NAV3: variants seen among roughly 807,000 people sequenced by gnomAD.
NAV3 encodes the protein pore membrane and/or filament interacting like protein 1.
NAV3 carries 87 observed loss-of-function variants against 244.7 expected under a neutral mutation model. The ratio of observed to expected loss-of-function variants is 0.36; its 90% CI spans 0.30 to 0.42. NAV3 has a LOEUF of 0.42. NAV3 is among the 20% of genes least tolerant of loss of function. The pLI, the probability that NAV3 is intolerant of heterozygous loss-of-function variation, is 1.00. For synonymous variants in NAV3, 1,126 were observed against 1,042.2 expected, an observed-to-expected ratio of 1.08 and a Z score of -1.55; for missense variants, 2,663 against 2,893.3, an observed-to-expected ratio of 0.92 and a Z score of 1.83.
intron 2 of NAV3, among the ~76,000 whole-genome samples, chr12:77,687,598 T>A (rs932782309): frequency 3.9e-5 from 6 of 152,142 alleles, no homozygotes; most frequent in African/African-American, 1.4e-4. Flanking sequence ...AACGCACTAT[T>A]GAGTTGCTCA....
At chr12:77,646,065 G>A (rs1164616258) in intron 2 of NAV3, among the ~76,000 whole-genome samples, 1 of 152,070 alleles carries the variant, frequency 6.6e-6, no homozygotes, top group Non-Finnish European at 1.5e-5. Context: ...TATACAACAT[G>A]GTGTTTTGAT....
chr12:77,917,415 C>T (rs1158560299), intron 1 of NAV3, among the ~76,000 whole-genome samples: 1 of 151,764 alleles, frequency 6.6e-6, no homozygotes, highest in African/African-American at 2.4e-5. Flanking sequence ...TAAAAAACAC[C>T]ATGTAAAAAA....
At chr12:77,784,873 A>G (rs1870832773) in intron 2 of NAV3, among the ~76,000 whole-genome samples, 1 of 152,210 alleles carries the variant, frequency 6.6e-6, no homozygotes, top group Non-Finnish European at 1.5e-5. Context: ...AGTAGAACTC[A>G]GTCCACACCA....
At chr12:77,648,325 A>T (rs1335099066) in intron 2 of NAV3, among the ~76,000 whole-genome samples, 2 of 152,096 alleles carry the variant, frequency 1.3e-5, no homozygotes, top group African/African-American at 2.4e-5. Flanking sequence ...ACACACAGAG[A>T]CACCCTTAAT....
At chr12:77,715,102 T>C (rs1876300529) in intron 2 of NAV3, among the ~76,000 whole-genome samples, 1 of 152,016 alleles carries the variant, frequency 6.6e-6, no homozygotes, top group Admixed American at 6.6e-5. Flanking sequence ...AAAAACTTAG[T>C]TATAATACTT....
chr12:77,999,166 G>A (rs1872819346), intron 7 of NAV3, among the ~76,000 whole-genome samples: 1 of 152,200 alleles, frequency 6.6e-6, no homozygotes, highest in Non-Finnish European at 1.5e-5. Flanking sequence ...TAGCAGAGAG[G>A]ACGGGGATGA....
At chr12:78,066,644 ATAAAC>A in intron 12 of NAV3, among the ~76,000 whole-genome samples, 1 of 152,310 alleles carries the variant, frequency 6.6e-6, no homozygotes, top group Non-Finnish European at 1.5e-5. Context: ...AATTTTAATT[ATAAAC>A]TAATCAATAT....
At chr12:78,134,241 C>T (rs143850627) in intron 18 of NAV3, among the ~76,000 whole-genome samples, 1 of 152,284 alleles carries the variant, frequency 6.6e-6, no homozygotes, top group East Asian at 1.9e-4. Context: ...GAACTCCTGT[C>T]TTCTATTCTT....
intron 2 of NAV3, among the ~76,000 whole-genome samples, chr12:77,683,228 A>T (rs1331548874): frequency 6.6e-6 from 1 of 152,026 alleles, no homozygotes; most frequent in Non-Finnish European, 1.5e-5. Context: ...ATTCTTTTGC[A>T]TGTGGTTTTC....
intron 2 of NAV3, among the ~76,000 whole-genome samples, chr12:77,657,634 G>A (rs1873185764): frequency 6.6e-6 from 1 of 152,120 alleles, no homozygotes; most frequent in Non-Finnish European, 1.5e-5. Context: ...TGATACCAAA[G>A]CCGGGCAGAG....
chr12:78,135,879 T>G (rs1458039255), intron 18 of NAV3, among the ~76,000 whole-genome samples: 1 of 152,166 alleles, frequency 6.6e-6, no homozygotes, highest in Admixed American at 6.6e-5. Context: ...CTTTGGAGAT[T>G]CATATTTTCT....
chr12:78,209,581 GC>G (rs1960690015), intron 39 of NAV3, among the ~76,000 whole-genome samples: 7 of 150,808 alleles, frequency 4.6e-5, no homozygotes, highest in Non-Finnish European at 1.0e-4. Context: ...TAACAGTGGA[GC>G]TCCAGATCTA....
intron 2 of NAV3, among the ~76,000 whole-genome samples, chr12:77,786,168 A>G (rs1226974524): frequency 6.6e-6 from 1 of 152,192 alleles, no homozygotes; most frequent in Admixed American, 6.5e-5. Context: ...AGGGTAATTG[A>G]AAGTGTCTAT....
chr12:78,101,014 T>G (rs1954510787), intron 12 of NAV3, among the ~76,000 whole-genome samples: 1 of 152,186 alleles, frequency 6.6e-6, no homozygotes, highest in Non-Finnish European at 1.5e-5. Flanking sequence ...TTCTTCTCAC[T>G]TCATTCCCTT....
At chr12:77,744,030 C>A (rs547844169) in intron 2 of NAV3, among the ~76,000 whole-genome samples, 1 of 151,668 alleles carries the variant, frequency 6.6e-6, no homozygotes, top group Non-Finnish European at 1.5e-5. Flanking sequence ...TAAAACAATA[C>A]CAATAAAGAT....
At chr12:77,872,998 G>T (rs186034594) in intron 1 of NAV3, among the ~76,000 whole-genome samples, 5 of 152,140 alleles carry the variant, frequency 3.3e-5, no homozygotes, top group Non-Finnish European at 5.9e-5. Context: ...TTGATCATGG[G>T]GTGGGGATTT....
intron 2 of NAV3, among the ~76,000 whole-genome samples, chr12:77,940,678 TGAATC>T (rs1360883559): frequency 1.3e-5 from 2 of 152,216 alleles, no homozygotes; most frequent in Non-Finnish European, 2.9e-5. Context: ...TTGAATCATT[TGAATC>T]GAACTGTCAG....
intron 3 of NAV3, among the ~76,000 whole-genome samples, chr12:77,952,987 T>C (rs1477427558): frequency 6.6e-6 from 1 of 152,104 alleles, no homozygotes; most frequent in African/African-American, 2.4e-5. Context: ...TTTGGTTTTG[T>C]TTTCTGGAAC....
intron 2 of NAV3, among the ~76,000 whole-genome samples, chr12:77,639,379 C>A (rs796708746): frequency 2.6e-5 from 4 of 152,214 alleles, no homozygotes; most frequent in African/African-American, 7.2e-5. Context: ...GCAGAAACTT[C>A]ATTAATTTAT....
Sources: gnomAD v4.1 joint callset for allele counts (sites outside exome capture counted in the v4.1 genomes callset) on GRCh38, gnomAD v4.1.1 for gene constraint, MANE v1.5 for transcripts, NCBI Gene and HGNC (gene_info 2026-07-23, HGNC 2026-07-21) for gene names.